Variants in UACA observed in about 807,000 individuals in gnomAD.
UACA encodes the protein nuclear membrane binding protein.
Under a neutral mutation model 160.5 loss-of-function variants are expected in UACA, and 112 were observed. The ratio of observed to expected loss-of-function variants is 0.70; its 90% CI spans 0.60 to 0.82. The LOEUF is 0.82. Ranked by LOEUF, UACA falls within the 40% of genes least tolerant of loss-of-function variation. The probability of loss-of-function intolerance (pLI) is 0.00; values close to 1 mark genes in which losing one functional copy is unlikely to be tolerated. For synonymous variants in UACA, 557 were observed against 568.4 expected (o/e 0.98, Z 0.29); for missense variants, 1,574 against 1,614.6 (o/e 0.97, Z 0.43).
chr15:70,757,075 C>T (rs62016956), intron 1 of UACA, among the ~76,000 whole-genome samples: 27,962 of 152,062 alleles, frequency 0.18, 3,959 homozygotes, highest in African/African-American at 0.4. Context: ...GGCTAGTATG[C>T]ATTTTAATCT....
intron 18 of UACA, among the ~76,000 whole-genome samples, chr15:70,658,028 G>A (rs1304678327): frequency 6.6e-6 from 1 of 151,702 alleles, no homozygotes; most frequent in Admixed American, 6.6e-5. Context: ...AGTTGAGGCT[G>A]TATGAGCTAT....
In UACA at chr15:70,763,537, G is replaced by T. The variant is rs989292566; in HGVS notation, c.-130C>A. On this transcript the variant is annotated 5_prime_UTR_variant, in exon 1 of 19. Transcript: ENST00000322954. ...AGCCCCACCTGCCTGCCACCTGCGG[G>T]CCCCGGGCAGCAGACGTCGACAGGC... 4.0e-6 allele frequency: 5 copies of T among 1,245,512 alleles called. No homozygotes were observed. The highest frequency in any genetic ancestry group is 4.0e-6 in the Non-Finnish European group (4 of 991,434). The allele number at this position is 1,245,512 out of a possible 1,614,324, so 77.2% of individuals were successfully genotyped here. A position where few individuals can be genotyped will look rare whatever the true frequency, so the allele number is the denominator to read the frequency against.
chr15:70,703,454 A>G (rs1452943675), intron 1 of UACA, among the ~76,000 whole-genome samples: 1 of 152,198 alleles, frequency 6.6e-6, no homozygotes, highest in Non-Finnish European at 1.5e-5. Flanking sequence ...CATATACCAT[A>G]TCTCATTTTT....
Position 70,657,060 on chromosome 15 carries a change from C to T in UACA, c.4247G>A (p.Cys1416Tyr), listed in dbSNP as rs756874021. 1 of 1,612,722 alleles carries T rather than the reference C, an allele frequency of 6.2e-7. No individual in the cohort carries two copies. The highest frequency in any genetic ancestry group is 1.1e-5 in the South Asian group (1 of 91,066). The change falls in exon 19 of 19, where the codon TGC becomes TAC. Residue 1416 changes from cysteine (C) to tyrosine (Y), a missense_variant. Physicochemically the swap from Cys to Tyr is radical, Grantham distance 194. Transcript: ENST00000322954. Reference protein sequence around the residue: ...QIIQMRQGLVC With the variant: ...QIIQMRQGLVY ...ACTGGCAGTCAGTGCTAACGGCTAG[C>T]ACACAAGCCCCTGCCGCATTTGTAT...
In UACA at chr15:70,683,677, C is replaced by A. The variant is rs140493502; in HGVS notation, c.784+588G>T. 5.9e-4 allele frequency among the ~76,000 whole-genome samples: 90 copies of A among 151,790 alleles called. No homozygotes were observed. In the East Asian group the frequency reaches 0.014, roughly 24 times the overall value. ...AGAAAAACTATTTTTGAGGGAAAGG[C>A]CTTCAAAATAGGTTACATAAAAAAG... On this transcript the variant is annotated intron_variant, in intron 8 of 18. Transcript: ENST00000322954.
chr15:70,723,852 T>G (rs1482162927), intron 1 of UACA, among the ~76,000 whole-genome samples: 1 of 152,122 alleles, frequency 6.6e-6, no homozygotes, highest in Non-Finnish European at 1.5e-5. Context: ...CAGGATGGTC[T>G]CGATCTCCTG....
chr15:70,751,557 AATAAGT>A (rs145922012), intron 1 of UACA, among the ~76,000 whole-genome samples: 156 of 152,334 alleles, frequency 1.0e-3, no homozygotes, highest in African/African-American at 3.7e-3. Flanking sequence ...TACTCTATGA[AATAAGT>A]ATAACGATTA....
Position 70,667,350 on chromosome 15 carries a change from C to T in UACA, c.3334G>A (p.Val1112Ile), listed in dbSNP as rs1169990957. ...AGAGCCTCAACCTGTTCCAATGGAA[C>T]ATGTTGTTTTTGCAAAAGATTTTGC... is the stretch of plus-strand genomic sequence containing the variant. ...AVQNLLQKQHVPLEQVEALKK... is the reference protein window; with the variant it reads ...AVQNLLQKQHIPLEQVEALKK... The change falls in exon 16 of 19, where the codon GTT (valine) becomes ATT (isoleucine). Residue 1112 changes from valine (V) to isoleucine (I), a missense_variant. Transcript: ENST00000322954. 6.2e-7 allele frequency: 1 copy of T among 1,612,908 alleles called. No homozygotes were observed. Among genetic ancestry groups the T allele is most frequent in the South Asian group, 1.1e-5 (1 of 90,842 alleles).
intron 16 of UACA, among the ~76,000 whole-genome samples, chr15:70,665,576 TC>T (rs918303827): frequency 5.3e-5 from 8 of 151,196 alleles, no homozygotes; most frequent in South Asian, 2.1e-4. Flanking sequence ...TACCATCTCC[TC>T]CCCCACAAAA....
chr15:70,659,089 A>C (rs1896585895), intron 18 of UACA, among the ~76,000 whole-genome samples: 1 of 152,052 alleles, frequency 6.6e-6, no homozygotes, highest in Admixed American at 6.5e-5. Flanking sequence ...CTATTTCCCC[A>C]CTTGAACTTC....
In UACA at chr15:70,668,850, T is replaced by C. The variant is rs751462507; in HGVS notation, c.1834A>G (p.Met612Val). ...GACAATTCTTTTGCCTGGCCTTCCA[T>C]CTCTGTGACCTTTCTTCCTTTCTTC... ...REKKGRKVTE[M>V]EGQAKELSAK... Residue 612 changes from methionine (M) to valine (V), a missense_variant, in exon 16 of 19, where the codon ATG becomes GTG. Transcript: ENST00000322954. The C allele has an allele frequency of 1.9e-6, 3 of 1,613,758 alleles. No homozygotes were observed. Among genetic ancestry groups the C allele is most frequent in the African/African-American group, 2.7e-5 (2 of 74,946 alleles).
chr15:70,662,912 G>A (rs1205585116), intron 17 of UACA, among the ~76,000 whole-genome samples: 2 of 151,644 alleles, frequency 1.3e-5, no homozygotes, highest in African/African-American at 4.9e-5. Context: ...AAAAACCCTA[G>A]AAGAAAACCT....
chr15:70,753,142 T>A (rs1279216447), intron 1 of UACA, among the ~76,000 whole-genome samples: 1 of 152,118 alleles, frequency 6.6e-6, no homozygotes, highest in East Asian at 1.9e-4. Context: ...ATAAAGCTCT[T>A]ACAGATCAAC....
chr15:70,751,154 A>C (rs539461124), intron 1 of UACA, among the ~76,000 whole-genome samples: 98 of 152,238 alleles, frequency 6.4e-4, no homozygotes, highest in African/African-American at 2.3e-3. Context: ...GTCCTCTATC[A>C]CAGCACTTAT....
chr15:70,739,300 T>C (rs572009045), intron 1 of UACA, among the ~76,000 whole-genome samples: 3 of 152,260 alleles, frequency 2.0e-5, no homozygotes, highest in African/African-American at 7.2e-5. Flanking sequence ...TGTGAAGAGG[T>C]TGTCCTGCAC....
intron 3 of UACA, among the ~76,000 whole-genome samples, chr15:70,694,525 C>G (rs556177419): frequency 6.6e-6 from 1 of 152,136 alleles, no homozygotes; most frequent in East Asian, 1.9e-4. Context: ...CTTAACAGCT[C>G]AGGGCCTCAG....
At chr15:70,690,926 A>T (rs1386318837) in intron 4 of UACA, among the ~76,000 whole-genome samples, 1 of 152,216 alleles carries the variant, frequency 6.6e-6, no homozygotes, top group East Asian at 1.9e-4. Flanking sequence ...TTTTGTGGTT[A>T]TCTGATTAAA....
intron 1 of UACA, among the ~76,000 whole-genome samples, chr15:70,742,872 G>T (rs1899581320): frequency 6.6e-6 from 1 of 152,056 alleles, no homozygotes; most frequent in African/African-American, 2.4e-5. Flanking sequence ...CAACTTAGAG[G>T]CTAAAAAACA....
At position 70,713,115 on chromosome 15, in the gene UACA, C is replaced by T. The variant is rs908399016; in HGVS notation, c.79-13455G>A. 5.3e-5 allele frequency among the ~76,000 whole-genome samples: 8 copies of T among 152,188 alleles called. 1 individual carries two copies. In the South Asian group the frequency reaches 8.3e-4, roughly 16 times the overall value. On this transcript the variant is annotated intron_variant, in intron 1 of 18. Transcript: ENST00000322954. ...ATCCCAGCACTTTGGGAGGCCGAGG[C>T]GGGCGGATCATGAGGTCAGGAGATT...
Sources: allele counts gnomAD v4.1 joint callset (sites outside exome capture counted in the v4.1 genomes callset), GRCh38; gene constraint gnomAD v4.1.1; transcripts MANE v1.5; gene names NCBI Gene and HGNC (gene_info 2026-07-23, HGNC 2026-07-21).